STAC: variants seen among roughly 807,000 people sequenced by gnomAD.
STAC encodes SH3 and cysteine rich domain.
Under a neutral mutation model 48.8 loss-of-function variants are expected in STAC, and 43 were observed. That is an observed-to-expected ratio of 0.88 (90% confidence interval 0.69 to 1.14). The LOEUF (loss-of-function observed/expected upper bound fraction) is 1.14, where lower values mean the gene tolerates loss of function less well. STAC is among the 50% of genes most tolerant of loss of function. The probability of loss-of-function intolerance (pLI) is 0.00; values close to 1 mark genes in which losing one functional copy is unlikely to be tolerated. For synonymous variants in STAC, 193 were observed against 179.5 expected (o/e 1.07, Z -0.60); for missense variants, 497 against 504.0 (o/e 0.99, Z 0.13).
At chr3:36,458,394 T>A (rs1239017243) in intron 2 of STAC, among the ~76,000 whole-genome samples, 1 of 152,158 alleles carries the variant, frequency 6.6e-6, no homozygotes, top group African/African-American at 2.4e-5. Context: ...AATATCAAGC[T>A]CTTTCTAAAA....
intron 2 of STAC, among the ~76,000 whole-genome samples, chr3:36,464,341 T>C (rs1170816702): frequency 6.6e-6 from 1 of 152,176 alleles, no homozygotes; most frequent in African/African-American, 2.4e-5. Context: ...CTGTTCATAT[T>C]ATTTGCCCAC....
intron 2 of STAC, among the ~76,000 whole-genome samples, chr3:36,456,816 T>C (rs1475755659): frequency 6.6e-6 from 1 of 152,160 alleles, no homozygotes; most frequent in Non-Finnish European, 1.5e-5. Flanking sequence ...TTTTCTCTCA[T>C]TGGCACCCAC....
At chr3:36,461,019 C>A (rs1360079483) in intron 2 of STAC, among the ~76,000 whole-genome samples, 6 of 152,008 alleles carry the variant, frequency 3.9e-5, no homozygotes, top group Non-Finnish European at 7.4e-5. Context: ...AAAACAAGAA[C>A]AAGAGGAATT....
At chr3:36,458,138 G>A (rs1417117300) in intron 2 of STAC, among the ~76,000 whole-genome samples, 2 of 152,012 alleles carry the variant, frequency 1.3e-5, no homozygotes, top group Non-Finnish European at 2.9e-5. Flanking sequence ...TTGCTTGATG[G>A]CATTTCAAAA....
chr3:36,382,002 C>A (rs976922599), intron 1 of STAC, among the ~76,000 whole-genome samples: 1 of 152,130 alleles, frequency 6.6e-6, no homozygotes, highest in Admixed American at 6.5e-5. Flanking sequence ...ACATGAGAGG[C>A]CCTAATGTCC....
intron 2 of STAC, among the ~76,000 whole-genome samples, chr3:36,466,007 T>C (rs1697159370): frequency 6.6e-6 from 1 of 152,180 alleles, no homozygotes; most frequent in Admixed American, 6.5e-5. Context: ...TCAGTATTAA[T>C]CATCATAAAT....
In STAC at chr3:36,500,657, TA is replaced by T. The variant is rs1698260853; in HGVS notation, c.767-3733del. Among the ~76,000 whole-genome samples the T allele has an allele frequency of 2.0e-5, 3 of 152,210 alleles. No homozygotes were observed. The South Asian group carries it at 6.2e-4, about 32-fold the overall frequency. ...AAAATACTGATCACCCACTAGGTCA[TA>T]AAGCCAATTTCATGAATTTCAAATA... On this transcript the variant is annotated intron_variant, in intron 6 of 10. Transcript: ENST00000273183.
chr3:36,484,208 G>A (rs1389582707), intron 3 of STAC, among the ~76,000 whole-genome samples: 2 of 152,160 alleles, frequency 1.3e-5, no homozygotes, highest in Admixed American at 1.3e-4. Context: ...CAGGGTTAGT[G>A]AATGCTCCTT....
chr3:36,473,783 G>A (rs1438818336), intron 2 of STAC, among the ~76,000 whole-genome samples: 1 of 152,046 alleles, frequency 6.6e-6, no homozygotes, highest in African/African-American at 2.4e-5. Context: ...TTTTACTTCT[G>A]TATTCCTACA....
chr3:36,491,398 C>T (rs80136213), intron 5 of STAC, among the ~76,000 whole-genome samples: 1 of 152,108 alleles, frequency 6.6e-6, no homozygotes, highest in Non-Finnish European at 1.5e-5. Flanking sequence ...ACAACATTCT[C>T]GGAGTTAGTT....
intron 8 of STAC, among the ~76,000 whole-genome samples, chr3:36,526,495 G>A (rs1253303962): frequency 6.6e-6 from 1 of 152,120 alleles, no homozygotes; most frequent in African/African-American, 2.4e-5. Context: ...GACCTTCCAA[G>A]GAATGAGAAA....
At chr3:36,388,092 T>C (rs979309473) in intron 1 of STAC, among the ~76,000 whole-genome samples, 1 of 152,128 alleles carries the variant, frequency 6.6e-6, no homozygotes, top group African/African-American at 2.4e-5. Context: ...AGGTTATTTG[T>C]ATATCTTCTT....
chr3:36,493,144 C>T lies in STAC; in HGVS notation c.688-7C>T, dbSNP rs762991517. The stretch of plus-strand genomic sequence containing the variant: ...TTCATCCCATGCTCTTTCTTCTTTC[C>T]TCCAAGACTTCAGATCTTGTGGAGG... On this transcript the variant is annotated splice_polypyrimidine_tract_variant and splice_region_variant and intron_variant, in intron 5 of 10. Coordinates refer to ENST00000273183, the MANE Select transcript of STAC (RefSeq NM_003149.3). 1.9e-6 allele frequency: 3 copies of T among 1,612,424 alleles called. No homozygotes were observed. Among genetic ancestry groups the T allele is most frequent in the Non-Finnish European group, 2.5e-6 (3 of 1,178,974 alleles).
At chr3:36,486,326 T>A in intron 5 of STAC, 77 bp downstream of exon 5, 1 of 1,261,824 alleles carries the variant, frequency 7.9e-7, no homozygotes, top group Non-Finnish European at 1.1e-6. Context: ...CAGTATGGGG[T>A]ATTCCACCTG....
chr3:36,455,626 C>T (rs1436626983), intron 2 of STAC, among the ~76,000 whole-genome samples: 2 of 152,178 alleles, frequency 1.3e-5, no homozygotes, highest in African/African-American at 4.8e-5. Context: ...GGGAATGCTC[C>T]ACTGACCTAC....
At chr3:36,446,914 C>A (rs921216213) in intron 2 of STAC, among the ~76,000 whole-genome samples, 18 of 152,292 alleles carry the variant, frequency 1.2e-4, no homozygotes, top group African/African-American at 4.3e-4. Context: ...GAATCATTCA[C>A]TTCCATAACG....
intron 2 of STAC, among the ~76,000 whole-genome samples, chr3:36,468,392 C>T (rs1269344663): frequency 6.6e-6 from 1 of 151,886 alleles, no homozygotes; most frequent in Non-Finnish European, 1.5e-5. Flanking sequence ...GTAGAATGTT[C>T]TGTAAATATC....
chr3:36,483,835 C>T (rs1439077564), intron 3 of STAC, among the ~76,000 whole-genome samples: 1 of 152,144 alleles, frequency 6.6e-6, no homozygotes, highest in African/African-American at 2.4e-5. Context: ...CCTGTAGTTC[C>T]AGCTACTCAG....
intron 5 of STAC, among the ~76,000 whole-genome samples, chr3:36,489,709 C>T (rs75540132): frequency 0.017 from 2,659 of 152,278 alleles, 20 homozygotes; most frequent in Non-Finnish European, 0.021. Context: ...ATATCAGAAT[C>T]CCCTGGAGAA....
Sources: gnomAD v4.1 joint callset for allele counts (sites outside exome capture counted in the v4.1 genomes callset) on GRCh38, gnomAD v4.1.1 for gene constraint, MANE v1.5 for transcripts, NCBI Gene and HGNC (gene_info 2026-07-23, HGNC 2026-07-21) for gene names.